CLIC5: variants seen among roughly 807,000 people sequenced by gnomAD.
CLIC5 encodes CLIC family member 5.
Under a neutral mutation model 24.7 loss-of-function variants are expected in CLIC5, and 20 were observed. The ratio of observed to expected loss-of-function variants is 0.81; its 90% CI spans 0.57 to 1.18. The LOEUF (loss-of-function observed/expected upper bound fraction) is 1.18, where lower values mean the gene tolerates loss of function less well. CLIC5 is among the 50% of genes most tolerant of loss of function. CLIC5 has a pLI of 0.00. For missense variants in CLIC5, 341 were observed against 326.1 expected (o/e 1.05, Z -0.35); for synonymous variants, 159 against 135.6 (o/e 1.17, Z -1.20).
intron 6 of CLIC5, among the ~76,000 whole-genome samples, chr6:45,888,480 G>T (rs1006362124): frequency 6.6e-6 from 1 of 152,154 alleles, no homozygotes; most frequent in African/African-American, 2.4e-5. Context: ...TATGCTATAA[G>T]CTAGGTAAGG....
intron 4 of CLIC5, 171 bp from the exon 5 acceptor site, chr6:45,914,580 T>C: frequency 8.2e-7 from 1 of 1,219,806 alleles, no homozygotes; most frequent in South Asian, 4.2e-5. Flanking sequence ...AGTAGAAGTG[T>C]ACTAAATAGG....
At chr6:45,936,052 C>T (rs1341399783) in intron 4 of CLIC5, among the ~76,000 whole-genome samples, 1 of 152,164 alleles carries the variant, frequency 6.6e-6, no homozygotes, top group Non-Finnish European at 1.5e-5. Flanking sequence ...TCCTCTCCCT[C>T]TGTCATCCCA....
intron 1 of CLIC5, among the ~76,000 whole-genome samples, chr6:46,021,875 G>A (rs1206469467): frequency 6.6e-6 from 1 of 152,210 alleles, no homozygotes; most frequent in East Asian, 1.9e-4. Context: ...TTCTGTATGT[G>A]TTAAAATATA....
At chr6:46,089,799 A>G in the CLIC5 span, among the ~76,000 whole-genome samples, 8 of 152,228 alleles carry the variant, frequency 5.3e-5, no homozygotes, top group Non-Finnish European at 8.8e-5. Context: ...ACATGTGAGC[A>G]TATTAATGGA....
intron 1 of CLIC5, among the ~76,000 whole-genome samples, chr6:45,984,624 C>T (rs1433900305): frequency 6.6e-6 from 1 of 152,146 alleles, no homozygotes; most frequent in Non-Finnish European, 1.5e-5. Context: ...GGATGCTCTC[C>T]CCTGGTCACT....
At chr6:46,015,962 C>G, upstream of CLIC5, 5 of 936,306 alleles carry the variant, frequency 5.3e-6, no homozygotes, top group Non-Finnish European at 6.4e-6. Context: ...GGGCCTGGGC[C>G]GGGCCACGGC....
At chr6:46,050,093 A>G (rs958349752) in intron 1 of CLIC5, among the ~76,000 whole-genome samples, 5 of 152,162 alleles carry the variant, frequency 3.3e-5, no homozygotes, top group African/African-American at 1.2e-4. Context: ...GCAGCAAACC[A>G]TTTTAAAGCC....
At chr6:46,015,335 G>C in intron 1 of CLIC5, 145 bp downstream of exon 1, 1 of 718,982 alleles carries the variant, frequency 1.4e-6, no homozygotes. Context: ...GCAGCGGGGC[G>C]CTGGCCTGCG....
At chr6:46,011,021 G>GAGTCACCACA (rs1368074063) in intron 1 of CLIC5, among the ~76,000 whole-genome samples, 21 of 152,276 alleles carry the variant, frequency 1.4e-4, no homozygotes, top group Non-Finnish European at 2.2e-4. Context: ...ACCACACCAC[G>GAGTCACCACA]AGTCACCACA....
At chr6:46,065,361 TA>T (rs1215042303) in intron 1 of CLIC5, among the ~76,000 whole-genome samples, 1,622 of 134,016 alleles carry the variant, frequency 0.012, 21 homozygotes, top group African/African-American at 0.043. Context: ...TTTTTTTTTT[TA>T]AAAAAAAGGT....
chr6:46,008,705 C>T (rs1766690736), intron 1 of CLIC5, among the ~76,000 whole-genome samples: 1 of 152,018 alleles, frequency 6.6e-6, no homozygotes, highest in African/African-American at 2.4e-5. Flanking sequence ...TGTGTCACTC[C>T]TATATAATAA....
chr6:45,927,209 G>C (rs541540473), intron 4 of CLIC5, among the ~76,000 whole-genome samples: 1 of 152,048 alleles, frequency 6.6e-6, no homozygotes, highest in African/African-American at 2.4e-5. Context: ...ATCTGCCCTG[G>C]GTCAGATGCT....
chr6:46,044,568 T>C (rs147412598), intron 1 of CLIC5, among the ~76,000 whole-genome samples: 347 of 152,274 alleles, frequency 2.3e-3, no homozygotes, highest in African/African-American at 7.2e-3. Context: ...AATGGAGATT[T>C]GGTGATCTTT....
chr6:45,976,764 T>C (rs537958346), intron 1 of CLIC5, among the ~76,000 whole-genome samples: 5 of 152,268 alleles, frequency 3.3e-5, no homozygotes, highest in Non-Finnish European at 2.9e-5. Flanking sequence ...TGTCTAAATA[T>C]TCAAATGGGT....
chr6:45,890,686 G>A (rs1298637049), intron 6 of CLIC5, among the ~76,000 whole-genome samples: 1 of 152,106 alleles, frequency 6.6e-6, no homozygotes, highest in Admixed American at 6.5e-5. Flanking sequence ...CAAACGAATG[G>A]ATTTAAAAGA....
intron 4 of CLIC5, among the ~76,000 whole-genome samples, chr6:45,937,165 A>G (rs1315237385): frequency 9.1e-4 from 139 of 152,228 alleles, no homozygotes; most frequent in Non-Finnish European, 8.8e-5. Flanking sequence ...AAGTTTAAAA[A>G]GTAGAAAATA....
the CLIC5 span, among the ~76,000 whole-genome samples, chr6:46,106,509 G>C: frequency 1.3e-5 from 2 of 152,096 alleles, no homozygotes; most frequent in African/African-American, 2.4e-5. Flanking sequence ...CTTTTTTGGG[G>C]CCCAATTTGT....
intron 1 of CLIC5, among the ~76,000 whole-genome samples, chr6:45,982,285 G>A (rs781742606): frequency 3.3e-5 from 5 of 152,054 alleles, no homozygotes; most frequent in Admixed American, 6.5e-5. Context: ...GCTCCTGCTT[G>A]GGACTCAGTG....
intron 6 of CLIC5, among the ~76,000 whole-genome samples, chr6:45,888,569 C>A (rs1279901988): frequency 6.6e-6 from 1 of 152,120 alleles, no homozygotes; most frequent in Admixed American, 6.5e-5. Context: ...CCTTAAACAG[C>A]CTGTTTTTGA....
Sources: gnomAD v4.1 joint callset for allele counts (sites outside exome capture counted in the v4.1 genomes callset) on GRCh38, gnomAD v4.1.1 for gene constraint, MANE v1.5 for transcripts, NCBI Gene and HGNC (gene_info 2026-07-23, HGNC 2026-07-21) for gene names.